Variants in NELL2 observed in about 807,000 individuals in gnomAD.
NELL2 encodes neural EGFL like 2, also known as protein kinase C-binding protein NELL2.
Under a neutral mutation model 109.6 loss-of-function variants are expected in NELL2, and 41 were observed. That is an observed-to-expected ratio of 0.37 (90% CI 0.29 to 0.49). NELL2 has a LOEUF of 0.49. Among genes scored for constraint, NELL2 ranks in the 20% least tolerant of loss-of-function variants. The pLI, the probability that NELL2 is intolerant of heterozygous loss-of-function variation, is 0.98. For synonymous variants in NELL2, 355 were observed against 344.7 expected, an observed-to-expected ratio of 1.03 and a Z score of -0.33; for missense variants, 900 against 1,008.3, an observed-to-expected ratio of 0.89 and a Z score of 1.45.
rs778873333 is a variant in NELL2, at chr12:44,875,830, A to T, written c.40T>A (p.Phe14Ile). 3.1e-6 allele frequency: 5 copies of T among 1,613,960 alleles called. No homozygotes were observed. In the East Asian group the frequency reaches 6.7e-5, roughly 22 times the overall value. Residue 14 changes from phenylalanine (F) to isoleucine (I), a missense_variant, in exon 1 of 20, where the codon TTC (phenylalanine) becomes ATC (isoleucine). Phe to Ile is a conservative substitution (Grantham distance 21). This residue lies in a region of NELL2 where 200 missense variants were observed against 191.8 expected (regional missense o/e 1.04). Coordinates refer to ENST00000429094, the MANE Select transcript of NELL2 (RefSeq NM_001145108.2). ...GGCCACTCACCTGCTCCGAGACCGA[A>T]GATCAAACAGAATGTTCTCAGTAAG... ...RVLLRTFCLI[F>I]GLGAVWGLGV...
upstream of NELL2, chr12:44,914,157 A>G (rs1945808434): frequency 6.3e-6 from 1 of 157,698 alleles, no homozygotes; most frequent in Non-Finnish European, 1.4e-5. Context: ...TTAAAACATA[A>G]ATCAGGTTGT....
intron 1 of NELL2, among the ~76,000 whole-genome samples, chr12:44,906,511 G>C (rs1945720717): frequency 6.6e-6 from 1 of 152,040 alleles, no homozygotes; most frequent in South Asian, 2.1e-4. Flanking sequence ...CTCAAACCAG[G>C]GTAAGAGTGG....
In NELL2 at chr12:44,816,104, T is replaced by G. The variant is rs770126530; in HGVS notation, c.217A>C (p.Thr73Pro). 6.2e-7 allele frequency: 1 copy of G among 1,612,190 alleles called. No individual in the cohort carries two copies. ...AGCTTCTGAAAAAACTGTTCAGCTGTAGCAGTGGATGCTTTTATGCTTCTG... is the reference window on the plus strand; with the variant it reads ...AGCTTCTGAAAAAACTGTTCAGCTGGAGCAGTGGATGCTTTTATGCTTCTG... ...TPRSIKASTA[T>P]AEQFFQKLRN... is the part of the protein sequence containing the mutation. Residue 73 changes from threonine (T) to proline (P), a missense_variant, in exon 3 of 20, where the codon ACA becomes CCA. By Grantham distance (38) the Thr-to-Pro change is conservative (BLOSUM62 -1). This residue lies in a region of NELL2 where 200 missense variants were observed against 191.8 expected (regional missense o/e 1.04). Coordinates refer to ENST00000429094, the MANE Select transcript of NELL2 (RefSeq NM_001145108.2).
chr12:44,514,351 C>T (rs936831922), intron 19 of NELL2, among the ~76,000 whole-genome samples: 3 of 151,828 alleles, frequency 2.0e-5, no homozygotes, highest in African/African-American at 4.8e-5. Context: ...ATGGTAAATA[C>T]GGTAGTCTTT....
intron 3 of NELL2, among the ~76,000 whole-genome samples, chr12:44,785,331 G>A (rs537449040): frequency 5.3e-5 from 8 of 152,128 alleles, no homozygotes; most frequent in Non-Finnish European, 1.2e-4. Context: ...CAAGGGATGC[G>A]AAGGACCTCT....
chr12:44,675,757 G>A (rs1287991478), intron 12 of NELL2, among the ~76,000 whole-genome samples: 3 of 152,094 alleles, frequency 2.0e-5, no homozygotes, highest in Non-Finnish European at 4.4e-5. Context: ...AATGGGAAAG[G>A]TTTTAAGAGG....
At chr12:44,852,743 G>C (rs1412792930) in intron 2 of NELL2, among the ~76,000 whole-genome samples, 1 of 152,062 alleles carries the variant, frequency 6.6e-6, no homozygotes, top group Non-Finnish European at 1.5e-5. Context: ...CAATGATTCA[G>C]AGTGAATGCT....
chr12:44,605,717 C>T (rs748095349), intron 15 of NELL2, among the ~76,000 whole-genome samples: 2 of 152,092 alleles, frequency 1.3e-5, no homozygotes, highest in African/African-American at 2.4e-5. Context: ...TATCTTCACA[C>T]CATTGAAATG....
chr12:44,598,891 T>A (rs565820147), intron 15 of NELL2, among the ~76,000 whole-genome samples: 19,177 of 101,728 alleles, frequency 0.19, 1,354 homozygotes, highest in East Asian at 0.31. Flanking sequence ...ACACTCTCTC[T>A]CTCTCTCTCT....
intron 15 of NELL2, among the ~76,000 whole-genome samples, chr12:44,588,591 T>C (rs934918813): frequency 1.3e-5 from 2 of 152,220 alleles, no homozygotes; most frequent in Admixed American, 6.5e-5. Flanking sequence ...GTATGTTTCC[T>C]GGCATTAGGC....
intron 15 of NELL2, among the ~76,000 whole-genome samples, chr12:44,575,356 G>A (rs1260848571): frequency 6.6e-6 from 1 of 152,216 alleles, no homozygotes; most frequent in Non-Finnish European, 1.5e-5. Flanking sequence ...GTATGTGCAG[G>A]CAGATATTTC....
At chr12:44,903,040 A>G (rs969410716) in intron 1 of NELL2, among the ~76,000 whole-genome samples, 17 of 152,250 alleles carry the variant, frequency 1.1e-4, no homozygotes, top group Non-Finnish European at 1.8e-4. Flanking sequence ...AACAAAAGCC[A>G]CAATTAACAA....
chr12:44,773,627 TAA>T (rs921208470), intron 9 of NELL2, among the ~76,000 whole-genome samples: 2 of 152,138 alleles, frequency 1.3e-5, no homozygotes, highest in African/African-American at 4.8e-5. Flanking sequence ...CTCCTTTTAT[TAA>T]GAGAAGTCCT....
chr12:44,533,287 T>G (rs1212796068), intron 15 of NELL2, among the ~76,000 whole-genome samples: 2 of 152,132 alleles, frequency 1.3e-5, no homozygotes, highest in Non-Finnish European at 2.9e-5. Context: ...GAGAAAGAAA[T>G]CAACCTTAGT....
chr12:44,524,540 G>C (rs906392653), intron 16 of NELL2, among the ~76,000 whole-genome samples: 2 of 152,128 alleles, frequency 1.3e-5, no homozygotes, highest in African/African-American at 4.8e-5. Context: ...ATAAAGTTTA[G>C]GAAATATCTT....
rs542180038 is a variant in NELL2, at chr12:44,763,218, G to A, written c.994+11529C>T. Among the ~76,000 whole-genome samples the A allele has an allele frequency of 3.4e-4, 52 of 152,208 alleles. 1 individual carries two copies. In the South Asian group the frequency reaches 0.01, roughly 30 times the overall value. On this transcript the variant is annotated intron_variant, in intron 9 of 19. Transcript: ENST00000429094. The stretch of plus-strand genomic sequence containing the variant: ...CACTCCCTCCCTTCTTTCCAACTAA[G>A]AAATAAAAGTGACCTTTCTGAGATT...
Position 44,804,590 on chromosome 12 carries a change from T to A in NELL2, c.335+11396A>T, listed in dbSNP as rs150004981. On this transcript the variant is annotated intron_variant, in intron 3 of 19. Coordinates refer to ENST00000429094, the MANE Select transcript of NELL2 (RefSeq NM_001145108.2). ...CTGAATAGTAAACTGTAGAAAAAAA[T>A]TATATTTTTAAATGAGCCCTTTGTA... Among the ~76,000 whole-genome samples the A allele has an allele frequency of 2.5e-3, 385 of 151,950 alleles. 1 individual carries two copies. The highest frequency in any genetic ancestry group is 8.6e-3 in the African/African-American group (356 of 41,540).
At chr12:44,614,065 T>C (rs2136258035) in intron 13 of NELL2, among the ~76,000 whole-genome samples, 1 of 152,196 alleles carries the variant, frequency 6.6e-6, no homozygotes, top group Middle Eastern at 3.4e-3. Flanking sequence ...ATTTCAAGGT[T>C]TATGTCTCAT....
intron 15 of NELL2, among the ~76,000 whole-genome samples, chr12:44,595,909 C>T (rs1944945218): frequency 6.6e-6 from 1 of 152,112 alleles, no homozygotes; most frequent in Admixed American, 6.5e-5. Flanking sequence ...TGCTTGCCTC[C>T]TAAGGTTCCC....
Sources: allele counts gnomAD v4.1 joint callset (sites outside exome capture counted in the v4.1 genomes callset), GRCh38; gene constraint gnomAD v4.1.1; regional missense constraint gnomAD v4.1.1; transcripts MANE v1.5; gene names NCBI Gene and HGNC (gene_info 2026-07-23, HGNC 2026-07-21).